LINGO2: variants seen among roughly 807,000 people sequenced by gnomAD.
LINGO2 encodes leucine-rich repeat and immunoglobulin-like domain-containing nogo receptor-interacting protein 2.
LINGO2 carries 14 observed loss-of-function variants against 30.6 expected under a neutral mutation model. The ratio of observed to expected loss-of-function variants is 0.46; its 90% CI spans 0.30 to 0.72. The LOEUF is 0.72. LINGO2 is among the 30% of genes least tolerant of loss of function. The pLI is 0.07. For missense variants in LINGO2, 729 were observed against 751.7 expected, an observed-to-expected ratio of 0.97 and a Z score of 0.35; for synonymous variants, 317 against 288.5, an observed-to-expected ratio of 1.10 and a Z score of -1.00.
chr9:28,302,564 A>C (rs1824188734), intron 3 of LINGO2, among the ~76,000 whole-genome samples: 1 of 152,126 alleles, frequency 6.6e-6, no homozygotes, highest in South Asian at 2.1e-4. Flanking sequence ...CCAGCTACTC[A>C]GGAGGCTGAG....
intron 3 of LINGO2, among the ~76,000 whole-genome samples, chr9:28,323,621 G>C (rs948385649): frequency 6.6e-6 from 1 of 152,022 alleles, no homozygotes; most frequent in Non-Finnish European, 1.5e-5. Flanking sequence ...AAAATAAGAA[G>C]CAAGCCAAAC....
chr9:28,624,656 G>C (rs1426798582), intron 1 of LINGO2, among the ~76,000 whole-genome samples: 5 of 150,566 alleles, frequency 3.3e-5, no homozygotes, highest in South Asian at 4.2e-4. Context: ...GTCTTTTCCT[G>C]TTTTTGGTAT....
chr9:28,937,142 T>C, the LINGO2 span, among the ~76,000 whole-genome samples: 5 of 152,274 alleles, frequency 3.3e-5, no homozygotes, highest in Non-Finnish European at 7.4e-5. Flanking sequence ...GACCATAATC[T>C]ACCCTCTGGT....
intron 5 of LINGO2, among the ~76,000 whole-genome samples, chr9:27,976,521 G>A (rs1820602934): frequency 6.6e-6 from 1 of 151,910 alleles, no homozygotes; most frequent in Admixed American, 6.6e-5. Flanking sequence ...GTTTTTTTCT[G>A]TGTATCATAG....
intron 5 of LINGO2, among the ~76,000 whole-genome samples, chr9:27,990,204 C>T (rs890620121): frequency 2.0e-5 from 3 of 152,006 alleles, no homozygotes; most frequent in Non-Finnish European, 4.4e-5. Flanking sequence ...TTTTGACCTA[C>T]AAAAACAGCA....
chr9:28,241,985 A>G (rs1006753946), intron 4 of LINGO2, among the ~76,000 whole-genome samples: 66 of 152,154 alleles, frequency 4.3e-4, no homozygotes, highest in African/African-American at 1.5e-3. Context: ...CTCAAAGATC[A>G]AAACTAGAAA....
the LINGO2 span, among the ~76,000 whole-genome samples, chr9:28,848,096 C>CATAG: frequency 0.057 from 1,894 of 33,328 alleles, 321 homozygotes; most frequent in African/African-American, 0.21. Flanking sequence ...TATATATACG[C>CATAG]ATAGTGTATA....
At chr9:28,370,523 CA>C (rs1820854248) in intron 3 of LINGO2, among the ~76,000 whole-genome samples, 1 of 152,150 alleles carries the variant, frequency 6.6e-6, no homozygotes, top group African/African-American at 2.4e-5. Context: ...AACTGCACAA[CA>C]TTTACCTAAA....
At chr9:28,770,607 C>T in the LINGO2 span, among the ~76,000 whole-genome samples, 7 of 152,226 alleles carry the variant, frequency 4.6e-5, 1 homozygote, top group African/African-American at 1.4e-4. Flanking sequence ...GCTTACATTA[C>T]GTGCTGGGTT....
rs554754473 is a variant in LINGO2, at chr9:28,301,937, G to GA, written c.-245-6572dup. ...GGGGCCTATATTCAACATTCTTAAA[G>GA]AAAAAATCTTCAACCAAGAATTCTA... On this transcript the variant is annotated intron_variant, in intron 3 of 5. Coordinates refer to ENST00000379992, the Ensembl canonical transcript of LINGO2. 2.5e-3 allele frequency among the ~76,000 whole-genome samples: 387 copies of GA among 152,174 alleles called. 1 individual carries two copies. Among genetic ancestry groups the GA allele is most frequent in the African/African-American group, 8.0e-3 (331 of 41,524 alleles).
intron 2 of LINGO2, among the ~76,000 whole-genome samples, chr9:28,447,429 T>A (rs1824468467): frequency 6.6e-6 from 1 of 152,184 alleles, no homozygotes; most frequent in Non-Finnish European, 1.5e-5. Context: ...AGACATGGAA[T>A]TTACTAGTGC....
the LINGO2 span, among the ~76,000 whole-genome samples, chr9:28,979,033 C>G: frequency 6.6e-6 from 1 of 152,130 alleles, no homozygotes; most frequent in South Asian, 2.1e-4. Context: ...TCAATACTAT[C>G]AGAACTGTCC....
At chr9:28,177,003 C>T (rs1362366688) in intron 4 of LINGO2, among the ~76,000 whole-genome samples, 1 of 152,120 alleles carries the variant, frequency 6.6e-6, no homozygotes, top group East Asian at 1.9e-4. Context: ...GTCAAGCTTC[C>T]CAGACTCTGA....
chr9:28,573,770 G>A (rs1263529354), intron 1 of LINGO2, among the ~76,000 whole-genome samples: 2 of 152,124 alleles, frequency 1.3e-5, no homozygotes, highest in South Asian at 2.1e-4. Context: ...TGGGAAGTCA[G>A]AAAACAGATG....
At chr9:28,587,145 A>AG (rs1824591457) in intron 1 of LINGO2, among the ~76,000 whole-genome samples, 1 of 151,952 alleles carries the variant, frequency 6.6e-6, no homozygotes, top group Non-Finnish European at 1.5e-5. Context: ...GGCCATTGTG[A>AG]GGGGAAAAAA....
chr9:29,098,161 C>A, the LINGO2 span, among the ~76,000 whole-genome samples: 6 of 151,978 alleles, frequency 3.9e-5, no homozygotes, highest in African/African-American at 1.4e-4. Flanking sequence ...TAGTTAAATA[C>A]TATAGAGTAA....
At chr9:29,081,304 C>A in the LINGO2 span, among the ~76,000 whole-genome samples, 2 of 152,166 alleles carry the variant, frequency 1.3e-5, no homozygotes, top group East Asian at 3.9e-4. Context: ...CGTAATCCAG[C>A]ATATAAACAG....
intron 1 of LINGO2, among the ~76,000 whole-genome samples, chr9:28,636,904 T>C (rs766668710): frequency 4.6e-5 from 7 of 152,216 alleles, no homozygotes; most frequent in Non-Finnish European, 1.0e-4. Flanking sequence ...CCCATGCCTA[T>C]GTCCTGAATG....
intron 3 of LINGO2, among the ~76,000 whole-genome samples, chr9:28,365,862 G>T (rs555579180): frequency 6.6e-6 from 1 of 151,482 alleles, no homozygotes; most frequent in East Asian, 2.0e-4. Flanking sequence ...AGAGGCAGAG[G>T]CAGAGTGGGC....
Sources: allele counts gnomAD v4.1 joint callset (sites outside exome capture counted in the v4.1 genomes callset), GRCh38; gene constraint gnomAD v4.1.1; transcripts MANE v1.5; gene names NCBI Gene and HGNC (gene_info 2026-07-23, HGNC 2026-07-21).